The following TOX3 variants were observed in gnomAD, a reference collection of about 807,000 sequenced individuals.
TOX3 encodes the protein CAG trinucleotide repeat-containing gene F9 protein.
A neutral mutation model predicts 64.3 loss-of-function variants in TOX3; 22 were observed. That is an observed-to-expected ratio of 0.34 (90% CI 0.24 to 0.49). The LOEUF (loss-of-function observed/expected upper bound fraction) is 0.49, where lower values mean the gene tolerates loss of function less well. TOX3 is among the 20% of genes least tolerant of loss of function. The pLI is 0.99. For synonymous variants in TOX3, 291 were observed against 273.6 expected (o/e 1.06, Z -0.63); for missense variants, 661 against 714.4 (o/e 0.93, Z 0.85).
chr16:52,486,485 C>T (rs1961534314), intron 1 of TOX3, among the ~76,000 whole-genome samples: 1 of 152,258 alleles, frequency 6.6e-6, no homozygotes, highest in East Asian at 1.9e-4. Context: ...ACCAGCTGCC[C>T]TCCAGGAGTT....
At chr16:52,481,165 T>C (rs184885901) in intron 1 of TOX3, among the ~76,000 whole-genome samples, 49 of 152,340 alleles carry the variant, frequency 3.2e-4, no homozygotes, top group African/African-American at 1.1e-3. Context: ...CCAAATACAA[T>C]GTGTTGTTTC....
intron 1 of TOX3, among the ~76,000 whole-genome samples, chr16:52,510,475 G>C (rs1962274612): frequency 6.6e-6 from 1 of 152,114 alleles, no homozygotes; most frequent in Non-Finnish European, 1.5e-5. Context: ...ATTTGTCTTG[G>C]CCAACTGCGG....
At chr16:52,532,966 T>C (rs1249432246) in intron 1 of TOX3, among the ~76,000 whole-genome samples, 1 of 152,146 alleles carries the variant, frequency 6.6e-6, no homozygotes, top group Admixed American at 6.5e-5. Flanking sequence ...GCATGAATGA[T>C]TGAAGTTTGA....
chr16:52,444,184 T>G, intron 6 of TOX3, 92 bp downstream of exon 6: 1 of 976,002 alleles, frequency 1.0e-6, no homozygotes. Context: ...TCCATCAACT[T>G]TTAGGGGAGC....
At chr16:52,482,358 A>T (rs1961391300) in intron 1 of TOX3, among the ~76,000 whole-genome samples, 1 of 152,322 alleles carries the variant, frequency 6.6e-6, no homozygotes, top group South Asian at 2.1e-4. Flanking sequence ...GTGATTATAC[A>T]GCAATTTGTA....
intron 3 of TOX3, among the ~76,000 whole-genome samples, chr16:52,450,860 A>AAG (rs1567313174): frequency 1.5e-4 from 22 of 144,964 alleles, no homozygotes; most frequent in Admixed American, 2.8e-4. Context: ...AAGGAAGGAA[A>AAG]AAAAGAAGAA....
At chr16:52,505,461 A>G (rs554090595) in intron 1 of TOX3, among the ~76,000 whole-genome samples, 1 of 152,228 alleles carries the variant, frequency 6.6e-6, no homozygotes, top group Non-Finnish European at 1.5e-5. Context: ...CATTAAACAA[A>G]CTGATTGACA....
At chr16:52,485,036 A>AAT (rs58800489) in intron 1 of TOX3, among the ~76,000 whole-genome samples, 5,038 of 140,348 alleles carry the variant, frequency 0.036, 302 homozygotes, top group African/African-American at 0.13. Flanking sequence ...ATGTCAGATA[A>AAT]ATATATATAT....
At chr16:52,495,862 T>G (rs1307555546) in intron 1 of TOX3, among the ~76,000 whole-genome samples, 1 of 152,180 alleles carries the variant, frequency 6.6e-6, no homozygotes, top group Non-Finnish European at 1.5e-5. Flanking sequence ...TAATGAAATT[T>G]GGCTACTACA....
At position 52,440,752 on chromosome 16, in the gene TOX3, C is replaced by CTTT. The variant is rs60615310; in HGVS notation, c.988-787_988-785dup. 2.7e-3 allele frequency among the ~76,000 whole-genome samples: 181 copies of CTTT among 66,614 alleles called. 3 individuals carry two copies. Among genetic ancestry groups the CTTT allele is most frequent in the East Asian group, 4.6e-3 (6 of 1,316 alleles). 43.7% of individuals were successfully genotyped at this position (66,614 alleles called of 152,430 possible). ...GGTTATATGGTATTTTTCTTTCTTT[C>CTTT]TTTTTTTTTTTTTTTTTTTTTTTTT... is the stretch of plus-strand genomic sequence containing the variant. On this transcript the variant is annotated intron_variant, in intron 6 of 6. Transcript: ENST00000219746.
At position 52,534,566 on chromosome 16, in the gene TOX3, G is replaced by A. The variant is rs112819412; in HGVS notation, c.87+12071C>T. ...TCAGGAGGTTTGCTTGAACCCAGGAGTTTGAGGCTGCAGTGGCTATGATCA... is the reference window on the plus strand; with the variant it reads ...TCAGGAGGTTTGCTTGAACCCAGGAATTTGAGGCTGCAGTGGCTATGATCA... On this transcript the variant is annotated intron_variant, in intron 1 of 6. Transcript: ENST00000219746. Among the ~76,000 whole-genome samples the A allele has an allele frequency of 4.1e-3, 621 of 152,028 alleles. 3 individuals are homozygous for A. Among genetic ancestry groups the A allele is most frequent in the African/African-American group, 0.014 (590 of 41,466 alleles).
chr16:52,475,094 T>A (rs1961169279), intron 1 of TOX3, among the ~76,000 whole-genome samples: 2 of 152,116 alleles, frequency 1.3e-5, no homozygotes, highest in African/African-American at 4.8e-5. Flanking sequence ...CTCCTCCACC[T>A]CCAACACTCT....
chr16:52,454,667 G>T (rs1960462777), intron 3 of TOX3, among the ~76,000 whole-genome samples: 1 of 152,086 alleles, frequency 6.6e-6, no homozygotes, highest in Non-Finnish European at 1.5e-5. Flanking sequence ...CTTGATCTTA[G>T]GACTACCACA....
intron 4 of TOX3, among the ~76,000 whole-genome samples, chr16:52,449,811 T>C (rs1476610406): frequency 6.6e-6 from 1 of 152,224 alleles, no homozygotes; most frequent in Admixed American, 6.5e-5. Flanking sequence ...AAGGCAAAAA[T>C]GTAAGATGAA....
At chr16:52,492,917 C>T (rs2151458904) in intron 1 of TOX3, among the ~76,000 whole-genome samples, 1 of 148,416 alleles carries the variant, frequency 6.7e-6, no homozygotes, top group Non-Finnish European at 1.5e-5. Flanking sequence ...AAAAAAAGTT[C>T]ACTCCAGCTT....
intron 5 of TOX3, chr16:52,445,281 T>C (rs1240153486): frequency 1.3e-5 from 2 of 152,234 alleles, no homozygotes; most frequent in Non-Finnish European, 2.9e-5. Context: ...TTCTATTTTA[T>C]CACTCATAGG....
intron 4 of TOX3, 65 bp from the exon 5 acceptor site, chr16:52,446,286 TC>T: frequency 6.7e-7 from 1 of 1,500,118 alleles, no homozygotes; most frequent in Non-Finnish European, 9.0e-7. Context: ...AAGACTTAAC[TC>T]AGATCCATAA....
In TOX3 at chr16:52,534,119, A is replaced by G. The variant is rs148191938; in HGVS notation, c.87+12518T>C. Among the ~76,000 whole-genome samples, 849 of 152,322 alleles carry G rather than the reference A, an allele frequency of 5.6e-3. 28 individuals carry two copies. The highest frequency in any genetic ancestry group is 0.048 in the Admixed American group (731 of 15,296). ...AGACTTGGAATATCCATTGTGGACA[A>G]TGACCAAGAGAACAAACAGATGAAA... On this transcript the variant is annotated intron_variant, in intron 1 of 6. Transcript: ENST00000219746.
chr16:52,507,644 CT>C (rs1962194163), intron 1 of TOX3, among the ~76,000 whole-genome samples: 1 of 151,872 alleles, frequency 6.6e-6, no homozygotes, highest in Admixed American at 6.6e-5. Context: ...CTTCAAAAAC[CT>C]TTTTTAAAAA....
Sources: gnomAD v4.1 joint callset for allele counts (sites outside exome capture counted in the v4.1 genomes callset) on GRCh38, gnomAD v4.1.1 for gene constraint, MANE v1.5 for transcripts, NCBI Gene and HGNC (gene_info 2026-07-23, HGNC 2026-07-21) for gene names.